The following PAWR variants were observed in gnomAD, a reference collection of about 807,000 sequenced individuals.
PAWR encodes the protein pro-apoptotic WT1 regulator, also known as PRKC apoptosis WT1 regulator protein.
A neutral mutation model predicts 32.0 loss-of-function variants in PAWR; 23 were observed. The ratio of observed to expected loss-of-function variants is 0.72; its 90% confidence interval spans 0.52 to 1.02. The LOEUF (loss-of-function observed/expected upper bound fraction) is 1.02. PAWR is among the 50% of genes least tolerant of loss of function. PAWR has a pLI of 0.00. For synonymous variants in PAWR, 226 were observed against 187.1 expected (o/e 1.21, Z -1.70); for missense variants, 457 against 437.7 (o/e 1.04, Z -0.39).
At position 79,586,365 on chromosome 12, in the gene PAWR, A is replaced by G. The variant is rs1216302922; in HGVS notation, c.*6242T>C. ...CTTTAGGCTTTTGCACTACACAAAGAAAAAGACACCTTTCTATTCATTTCT... is the reference window on the plus strand; with the variant it reads ...CTTTAGGCTTTTGCACTACACAAAGGAAAAGACACCTTTCTATTCATTTCT... On this transcript the variant is annotated 3_prime_UTR_variant, in exon 7 of 7. Transcript: ENST00000328827. 1 of 152,614 alleles carries G rather than the reference A, an allele frequency of 6.6e-6. No homozygotes were observed. Among genetic ancestry groups the G allele is most frequent in the Non-Finnish European group, 1.5e-5 (1 of 68,024 alleles). The allele number at this position is 152,614 out of a possible 1,614,324, so 9.5% of individuals were successfully genotyped here. A position where few individuals can be genotyped will look rare whatever the true frequency, so the allele number is the denominator to read the frequency against.
intron 2 of PAWR, among the ~76,000 whole-genome samples, chr12:79,676,526 T>C (rs979339443): frequency 1.3e-5 from 2 of 152,146 alleles, no homozygotes; most frequent in Non-Finnish European, 2.9e-5. Flanking sequence ...AACTAGAGTA[T>C]GGCAACAACT....
chr12:79,600,689 A>C (rs1873929334), intron 4 of PAWR, among the ~76,000 whole-genome samples: 1 of 119,948 alleles, frequency 8.3e-6, no homozygotes, highest in Admixed American at 1.2e-4. Context: ...GTGTCTTACT[A>C]TGTTGACCAG....
At chr12:79,602,133 C>T (rs1378170727) in intron 4 of PAWR, among the ~76,000 whole-genome samples, 1 of 152,196 alleles carries the variant, frequency 6.6e-6, no homozygotes, top group Non-Finnish European at 1.5e-5. Context: ...AAGCATGCTT[C>T]CCTCAGGACA....
intron 2 of PAWR, among the ~76,000 whole-genome samples, chr12:79,677,579 G>A (rs1404840214): frequency 6.6e-6 from 1 of 152,102 alleles, no homozygotes; most frequent in African/African-American, 2.4e-5. Flanking sequence ...AAATTTATAA[G>A]TAATATTCTA....
intron 2 of PAWR, among the ~76,000 whole-genome samples, chr12:79,676,433 A>G (rs994471256): frequency 6.6e-6 from 1 of 151,864 alleles, no homozygotes; most frequent in Non-Finnish European, 1.5e-5. Context: ...CTAACAGTCA[A>G]TTAAATAGTC....
At chr12:79,608,983 T>C (rs1237271071) in intron 4 of PAWR, among the ~76,000 whole-genome samples, 1 of 152,210 alleles carries the variant, frequency 6.6e-6, no homozygotes, top group East Asian at 1.9e-4. Flanking sequence ...AGGTAAAGGT[T>C]GCTTCAGCCC....
At chr12:79,663,583 C>T (rs112119098) in intron 2 of PAWR, among the ~76,000 whole-genome samples, 1 of 152,024 alleles carries the variant, frequency 6.6e-6, no homozygotes, top group Admixed American at 6.6e-5. Context: ...CATGGCAAAA[C>T]CCCAGCTCTA....
chr12:79,639,801 T>TTTCCA (rs952435013), intron 2 of PAWR, among the ~76,000 whole-genome samples: 3 of 151,464 alleles, frequency 2.0e-5, no homozygotes, highest in African/African-American at 7.3e-5. Context: ...ATGAATGAGA[T>TTTCCA]TTCCATTCCA....
chr12:79,642,604 CT>C (rs1001144500), intron 2 of PAWR, among the ~76,000 whole-genome samples: 6 of 152,102 alleles, frequency 3.9e-5, no homozygotes, highest in African/African-American at 1.4e-4. Context: ...TGGTCTCTCT[CT>C]CCCCCTCCTA....
intron 2 of PAWR, among the ~76,000 whole-genome samples, chr12:79,632,345 ATATATATATATATATATTT>A (rs1875728297): frequency 1.7e-5 from 1 of 58,814 alleles, no homozygotes; most frequent in Non-Finnish European, 2.4e-5. Flanking sequence ...ATATATATAT[ATATATATATATATATATTT>A]TTTTTTTTTT....
At chr12:79,630,479 T>C (rs1592514334) in intron 2 of PAWR, among the ~76,000 whole-genome samples, 1 of 152,102 alleles carries the variant, frequency 6.6e-6, no homozygotes, top group East Asian at 1.9e-4. Flanking sequence ...TTTGTATTTT[T>C]AGTATAAGAG....
chr12:79,638,130 T>C (rs1250086734), intron 2 of PAWR, among the ~76,000 whole-genome samples: 1 of 150,368 alleles, frequency 6.7e-6, no homozygotes, highest in East Asian at 1.9e-4. Context: ...AGTACAGCTT[T>C]TGGGTTTCAA....
At position 79,585,647 on chromosome 12, in the gene PAWR, A is replaced by G. The variant is rs546847620; in HGVS notation, c.*6960T>C. 1.3e-5 allele frequency: 2 copies of G among 152,402 alleles called. No homozygotes were observed. Among genetic ancestry groups the G allele is most frequent in the Non-Finnish European group, 2.9e-5 (2 of 68,200 alleles). 9.4% of individuals were successfully genotyped at this position (152,402 alleles called of 1,614,324 possible). ...TACTAATGAATGTTATTATGCTATC[A>G]TAAGTTATGGTTAAAGTTATGCTCA... On this transcript the variant is annotated 3_prime_UTR_variant, in exon 7 of 7. Transcript: ENST00000328827.
intron 2 of PAWR, among the ~76,000 whole-genome samples, chr12:79,636,622 C>T (rs1875972511): frequency 6.6e-6 from 1 of 152,098 alleles, no homozygotes; most frequent in Non-Finnish European, 1.5e-5. Context: ...AAGAATTCAA[C>T]TAGATATTGT....
chr12:79,633,077 A>G (rs931915913), intron 2 of PAWR, among the ~76,000 whole-genome samples: 2 of 152,134 alleles, frequency 1.3e-5, no homozygotes, highest in Non-Finnish European at 2.9e-5. Context: ...CTGAGCTGAG[A>G]TTGTGCCACT....
intron 2 of PAWR, among the ~76,000 whole-genome samples, chr12:79,688,671 T>C (rs979086647): frequency 6.6e-6 from 1 of 152,158 alleles, no homozygotes; most frequent in African/African-American, 2.4e-5. Context: ...GAAATCATAA[T>C]ACTAAAAATT....
At chr12:79,596,833 A>G in intron 4 of PAWR, 175 bp from the exon 5 acceptor site, 1 of 517,050 alleles carries the variant, frequency 1.9e-6, no homozygotes, top group South Asian at 3.4e-5. Context: ...AAAAAATGTA[A>G]AAGTACCATT....
intron 2 of PAWR, among the ~76,000 whole-genome samples, chr12:79,680,975 T>C (rs1592556353): frequency 1.3e-5 from 2 of 151,170 alleles, no homozygotes; most frequent in South Asian, 2.1e-4. Flanking sequence ...ATTAGCCCAA[T>C]GTGGTGGTGC....
chr12:79,640,623 C>T, intron 2 of PAWR, among the ~76,000 whole-genome samples: 1 of 152,098 alleles, frequency 6.6e-6, no homozygotes, highest in African/African-American at 2.4e-5. Flanking sequence ...CGCCTGTAGT[C>T]CCAGCCACTT....
Sources: gnomAD v4.1 joint callset for allele counts (sites outside exome capture counted in the v4.1 genomes callset) on GRCh38, gnomAD v4.1.1 for gene constraint, MANE v1.5 for transcripts, NCBI Gene and HGNC (gene_info 2026-07-23, HGNC 2026-07-21) for gene names.